The following CNTNAP2 variants were observed in gnomAD, a reference collection of about 807,000 sequenced individuals.
CNTNAP2 encodes contactin-associated protein-like 2.
CNTNAP2 carries 98 observed loss-of-function variants against 155.2 expected under a neutral mutation model. The ratio of observed to expected loss-of-function variants is 0.63; its 90% confidence interval spans 0.54 to 0.75. The LOEUF (loss-of-function observed/expected upper bound fraction) is 0.75, where lower values mean the gene tolerates loss of function less well. Ranked by LOEUF, CNTNAP2 falls within the 30% of genes least tolerant of loss-of-function variation. The pLI is 0.00. For missense variants in CNTNAP2, 1,727 were observed against 1,688.1 expected, an observed-to-expected ratio of 1.02 and a Z score of -0.40; for synonymous variants, 651 against 631.2, an observed-to-expected ratio of 1.03 and a Z score of -0.47.
chr7:147,706,236 T>C lies in CNTNAP2; in HGVS notation c.2098+66930T>C, dbSNP rs529455238. ...TTTGCTCTACCAGTGGGTTTTATCCTTTCATGTGGTTTTTATGATGGTAGA... is the reference window on the plus strand; with the variant it reads ...TTTGCTCTACCAGTGGGTTTTATCCCTTCATGTGGTTTTTATGATGGTAGA... On this transcript the variant is annotated intron_variant, in intron 13 of 23. Coordinates refer to ENST00000361727, the MANE Select transcript of CNTNAP2 (RefSeq NM_014141.6). 6.9e-4 allele frequency among the ~76,000 whole-genome samples: 105 copies of C among 151,780 alleles called. 1 individual carries two copies. The highest frequency in any genetic ancestry group is 2.5e-3 in the African/African-American group (102 of 41,426).
In CNTNAP2 at chr7:147,873,165, C is replaced by A. The variant is rs540346115; in HGVS notation, c.2099-30400C>A. Among the ~76,000 whole-genome samples, 5 of 152,288 alleles carry A rather than the reference C, an allele frequency of 3.3e-5. No homozygotes were observed. The South Asian group carries it at 1.0e-3, about 32-fold the overall frequency. Reference sequence around the variant, plus strand: ...GGATCAAGAAAACTAAAATTAGTAACACTAACTGGACTCCTTACCACTAAG... The same window carrying A: ...GGATCAAGAAAACTAAAATTAGTAAAACTAACTGGACTCCTTACCACTAAG... On this transcript the variant is annotated intron_variant, in intron 13 of 23. Transcript: ENST00000361727.
At chr7:146,945,692 G>T (rs1331318327) in intron 3 of CNTNAP2, among the ~76,000 whole-genome samples, 1 of 152,090 alleles carries the variant, frequency 6.6e-6, no homozygotes, top group Admixed American at 6.5e-5. Context: ...ACTCGTTCTT[G>T]TCTCGAAGGG....
intron 1 of CNTNAP2, among the ~76,000 whole-genome samples, chr7:146,702,298 T>C (rs181924574): frequency 1.3e-3 from 204 of 152,244 alleles, no homozygotes; most frequent in Non-Finnish European, 1.9e-3. Context: ...AAAAGCATTC[T>C]ATAGAAAAAA....
chr7:147,057,623 A>G (rs971052628), intron 4 of CNTNAP2, among the ~76,000 whole-genome samples: 5 of 152,150 alleles, frequency 3.3e-5, no homozygotes, highest in South Asian at 2.1e-4. Context: ...GAAGTGCATC[A>G]TATTTCCCTC....
chr7:146,341,107 T>C (rs17170044), intron 1 of CNTNAP2, among the ~76,000 whole-genome samples: 35,362 of 152,174 alleles, frequency 0.23, 8,578 homozygotes, highest in African/African-American at 0.62. Flanking sequence ...ATCTATCCTT[T>C]TGTTTAAACA....
chr7:146,760,409 C>T (rs113705338), intron 1 of CNTNAP2, among the ~76,000 whole-genome samples: 29 of 56,298 alleles, frequency 5.2e-4, no homozygotes, highest in Non-Finnish European at 6.9e-4. Flanking sequence ...TCCAATTTAC[C>T]TTTTTTTTTT....
At chr7:147,702,161 A>G (rs1481984697) in intron 13 of CNTNAP2, among the ~76,000 whole-genome samples, 1 of 149,748 alleles carries the variant, frequency 6.7e-6, no homozygotes, top group African/African-American at 2.5e-5. Flanking sequence ...TTTCCAGTTA[A>G]GTTTGTCTTG....
intron 1 of CNTNAP2, among the ~76,000 whole-genome samples, chr7:146,331,421 C>A (rs1268923800): frequency 6.6e-6 from 1 of 151,966 alleles, no homozygotes; most frequent in Non-Finnish European, 1.5e-5. Context: ...AGTATATAGG[C>A]TCAGATCAGA....
chr7:147,760,020 C>T (rs1204476237), intron 13 of CNTNAP2, among the ~76,000 whole-genome samples: 1 of 152,124 alleles, frequency 6.6e-6, no homozygotes, highest in East Asian at 1.9e-4. Context: ...CTCTTCCTCT[C>T]CCTTCTCTTC....
chr7:146,902,177 C>T (rs1201310419), intron 3 of CNTNAP2, among the ~76,000 whole-genome samples: 1 of 152,132 alleles, frequency 6.6e-6, no homozygotes, highest in Non-Finnish European at 1.5e-5. Flanking sequence ...AGCCACCGTG[C>T]TCAGCCATAT....
In CNTNAP2 at chr7:148,128,334, A is replaced by G. The variant is rs1034707016; in HGVS notation, c.2554+10046A>G. ...TGACTTGGTCATTACTATACATAAG[A>G]AAAAAAACTATTCTCTCCCCAAAAA... On this transcript the variant is annotated intron_variant, in intron 16 of 23. Coordinates refer to ENST00000361727, the MANE Select transcript of CNTNAP2 (RefSeq NM_014141.6). Among the ~76,000 whole-genome samples the G allele has an allele frequency of 3.2e-4, 48 of 152,180 alleles. 1 individual carries two copies. The highest frequency in any genetic ancestry group is 2.2e-3 in the Admixed American group (33 of 15,288).
At chr7:148,029,888 A>G (rs1802441734) in intron 15 of CNTNAP2, among the ~76,000 whole-genome samples, 1 of 152,174 alleles carries the variant, frequency 6.6e-6, no homozygotes, top group Admixed American at 6.5e-5. Flanking sequence ...TATTTCCAGT[A>G]CTGTTTTATG....
At chr7:146,738,873 A>G (rs1046994312) in intron 1 of CNTNAP2, among the ~76,000 whole-genome samples, 1 of 149,978 alleles carries the variant, frequency 6.7e-6, no homozygotes. Flanking sequence ...CTCTTGGTAG[A>G]TGGTGTATAT....
intron 1 of CNTNAP2, among the ~76,000 whole-genome samples, chr7:146,747,344 C>G (rs1373131430): frequency 6.6e-6 from 1 of 152,126 alleles, no homozygotes; most frequent in Non-Finnish European, 1.5e-5. Flanking sequence ...AGAATTTAGT[C>G]TTCTTACCTG....
At chr7:147,111,477 CTTCTAAGGTTTTTAGAG>C (rs1800878601) in intron 5 of CNTNAP2, among the ~76,000 whole-genome samples, 3 of 152,184 alleles carry the variant, frequency 2.0e-5, no homozygotes, top group African/African-American at 7.2e-5. Context: ...CCTATATAGT[CTTCTAAGGTTTTTAGAG>C]TTTTGGGTTT....
intron 1 of CNTNAP2, among the ~76,000 whole-genome samples, chr7:146,348,974 T>G (rs1474885948): frequency 6.6e-6 from 1 of 152,070 alleles, no homozygotes; most frequent in East Asian, 1.9e-4. Flanking sequence ...CCCTTCCTTT[T>G]TATTGTCGTG....
chr7:147,072,543 G>T (rs547538861), intron 4 of CNTNAP2, among the ~76,000 whole-genome samples: 1 of 152,268 alleles, frequency 6.6e-6, no homozygotes, highest in African/African-American at 2.4e-5. Context: ...GCCAGGGTGA[G>T]ACCTGGCAGC....
intron 16 of CNTNAP2, among the ~76,000 whole-genome samples, chr7:148,145,337 G>A (rs1475985454): frequency 1.3e-5 from 2 of 152,072 alleles, no homozygotes; most frequent in Admixed American, 1.3e-4. Context: ...GGATCTATTG[G>A]GACAAGCAAA....
intron 1 of CNTNAP2, among the ~76,000 whole-genome samples, chr7:146,167,947 GGTGT>G (rs536754489): frequency 6.6e-6 from 1 of 152,274 alleles, no homozygotes; most frequent in South Asian, 2.1e-4. Flanking sequence ...GCAAACCACT[GGTGT>G]TTCAGTCCAA....
Sources: gnomAD v4.1 joint callset for allele counts (sites outside exome capture counted in the v4.1 genomes callset) on GRCh38, gnomAD v4.1.1 for gene constraint, MANE v1.5 for transcripts, NCBI Gene and HGNC (gene_info 2026-07-23, HGNC 2026-07-21) for gene names.